Variants in MRAS observed in about 807,000 individuals in gnomAD.
The protein encoded by MRAS is ras-related protein M-Ras.
Under a neutral mutation model 20.9 loss-of-function variants are expected in MRAS, and 4 were observed. The ratio of observed to expected loss-of-function variants is 0.19; its 90% CI spans 0.09 to 0.44. The LOEUF (loss-of-function observed/expected upper bound fraction) is 0.44, where lower values mean the gene tolerates loss of function less well. Ranked by LOEUF, MRAS falls within the 20% of genes least tolerant of loss-of-function variation. The pLI is 0.99. For synonymous variants in MRAS, 98 were observed against 102.9 expected (o/e 0.95, Z 0.29); for missense variants, 154 against 277.5 (o/e 0.56, Z 3.16).
intron 1 of MRAS, among the ~76,000 whole-genome samples, chr3:138,367,724 G>A (rs1301723018): frequency 1.3e-5 from 2 of 152,200 alleles, no homozygotes; most frequent in Admixed American, 6.5e-5. Flanking sequence ...GCCTGGCCCC[G>A]TGAGAGGCAA....
chr3:138,395,544 G>A (rs1038060191), intron 2 of MRAS, among the ~76,000 whole-genome samples: 2 of 151,954 alleles, frequency 1.3e-5, no homozygotes, highest in Non-Finnish European at 2.9e-5. Flanking sequence ...GTGCTCTTCC[G>A]CTAGGCCACG....
At chr3:138,400,728 T>C (rs2055342540) in intron 5 of MRAS, 115 bp downstream of exon 5, 2 of 877,004 alleles carry the variant, frequency 2.3e-6, no homozygotes, top group Non-Finnish European at 1.8e-6. Flanking sequence ...TGTGGAATTC[T>C]GGGCCTATTT....
chr3:138,348,867 G>C (rs1043079546), intron 1 of MRAS, 100 bp downstream of exon 1: 1 of 151,848 alleles, frequency 6.6e-6, no homozygotes, highest in South Asian at 2.1e-4. Context: ...GCCGCCCTCC[G>C]GGCTCGGCCG....
chr3:138,399,249 G>A (rs1259166434), intron 4 of MRAS, among the ~76,000 whole-genome samples: 1 of 152,206 alleles, frequency 6.6e-6, no homozygotes, highest in Non-Finnish European at 1.5e-5. Context: ...TTACCTCAGA[G>A]GGTTAATGTG....
At chr3:138,388,743 G>A (rs901268052) in intron 2 of MRAS, among the ~76,000 whole-genome samples, 1 of 152,030 alleles carries the variant, frequency 6.6e-6, no homozygotes, top group African/African-American at 2.4e-5. Context: ...GAAAACTTTA[G>A]GTATGGCCCT....
In MRAS at chr3:138,404,091, A is replaced by T. The variant is rs1000894313; in HGVS notation, c.*1822A>T. 4 of 152,252 alleles carry T rather than the reference A, an allele frequency of 2.6e-5. No individual in the cohort carries two copies. The highest frequency in any genetic ancestry group is 1.5e-5 in the Non-Finnish European group (1 of 68,062). The allele number at this position is 152,252 out of a possible 1,614,324, so 9.4% of individuals were successfully genotyped here. A position where few individuals can be genotyped will look rare whatever the true frequency, so the allele number is the denominator to read the frequency against. On this transcript the variant is annotated 3_prime_UTR_variant, in exon 6 of 6. Transcript: ENST00000423968. The stretch of plus-strand genomic sequence containing the variant: ...GAGAACATTCCAGGTGAGGCACTTC[A>T]AAGTTTCCTTAGACCCTATAGTGTT...
chr3:138,350,249 C>T (rs1476301997), intron 1 of MRAS: 1 of 152,182 alleles, frequency 6.6e-6, no homozygotes, highest in African/African-American at 2.4e-5. Flanking sequence ...TTTTGTAAAC[C>T]TCCTAATTTC....
At chr3:138,374,352 T>C (rs985948855) in intron 2 of MRAS, among the ~76,000 whole-genome samples, 1 of 152,280 alleles carries the variant, frequency 6.6e-6, no homozygotes, top group East Asian at 1.9e-4. Context: ...TAAATTATTA[T>C]TTTTGGTTTT....
At chr3:138,368,308 ATGTG>A (rs1270515819) in intron 1 of MRAS, among the ~76,000 whole-genome samples, 1 of 151,936 alleles carries the variant, frequency 6.6e-6, no homozygotes, top group Non-Finnish European at 1.5e-5. Context: ...GAGTGTGTAT[ATGTG>A]TGTGTGTGCT....
Position 138,397,466 on chromosome 3 carries a change from C to T in MRAS, c.336C>T (p.Arg112=), listed in dbSNP as rs139032711. Residue 112 remains arginine, a synonymous_variant, in exon 3 of 6, where the codon CGC becomes CGT. Coordinates refer to ENST00000423968, the MANE Select transcript of MRAS (RefSeq NM_001085049.3). ...HVDRFHQLIL[R]VKDRESFPMI... is the part of the protein sequence containing the mutation. ...ACCGCTTCCACCAGCTTATCCTGCG[C>T]GTCAAAGACAGGTGAGCATCAAAGA... 1.6e-5 allele frequency: 26 copies of T among 1,613,982 alleles called. No homozygotes were observed. The African/African-American group carries it at 2.0e-4, about 12-fold the overall frequency.
intron 4 of MRAS, 91 bp from the exon 5 acceptor site, chr3:138,400,443 G>C: frequency 1.7e-6 from 2 of 1,169,464 alleles, no homozygotes; most frequent in South Asian, 2.5e-5. Context: ...AAAGCACCTG[G>C]GTTCCTCAGA....
chr3:138,353,641 GTCCGTCCTTTCT>G (rs2054272626), intron 1 of MRAS, among the ~76,000 whole-genome samples: 1 of 152,148 alleles, frequency 6.6e-6, no homozygotes, highest in African/African-American at 2.4e-5. Flanking sequence ...CCCTCTGTAT[GTCCGTCCTTTCT>G]TCCATCCATC....
At chr3:138,381,816 G>A (rs2054911366) in intron 2 of MRAS, among the ~76,000 whole-genome samples, 1 of 152,208 alleles carries the variant, frequency 6.6e-6, no homozygotes, top group African/African-American at 2.4e-5. Flanking sequence ...TTCTCAGAGG[G>A]GCCTGAACCT....
intron 1 of MRAS, among the ~76,000 whole-genome samples, chr3:138,366,435 G>T (rs1400416532): frequency 6.6e-6 from 1 of 152,216 alleles, no homozygotes; most frequent in African/African-American, 2.4e-5. Context: ...GTGGGGTTAA[G>T]GGGACTCTTT....
At chr3:138,364,794 T>A (rs1173245769) in intron 1 of MRAS, among the ~76,000 whole-genome samples, 2 of 152,170 alleles carry the variant, frequency 1.3e-5, no homozygotes, top group African/African-American at 2.4e-5. Flanking sequence ...GTGGGAAGTG[T>A]TTATTTTTGG....
intron 2 of MRAS, among the ~76,000 whole-genome samples, chr3:138,376,554 G>T (rs756978135): frequency 6.6e-6 from 1 of 152,198 alleles, no homozygotes; most frequent in African/African-American, 2.4e-5. Flanking sequence ...CAATATATGT[G>T]TAGTGAAAGG....
intron 1 of MRAS, among the ~76,000 whole-genome samples, chr3:138,359,541 C>T (rs983739772): frequency 1.3e-5 from 2 of 152,238 alleles, no homozygotes; most frequent in African/African-American, 4.8e-5. Context: ...TCACATTCTT[C>T]ATTAATGGTG....
chr3:138,385,473 T>G (rs902750957), intron 2 of MRAS, among the ~76,000 whole-genome samples: 12 of 150,798 alleles, frequency 8.0e-5, no homozygotes, highest in Admixed American at 2.6e-4. Context: ...TTGTTTCATT[T>G]TATTGTATTT....
chr3:138,401,715 T>C (rs1166565856), intron 5 of MRAS, among the ~76,000 whole-genome samples: 7 of 152,226 alleles, frequency 4.6e-5, no homozygotes, highest in Non-Finnish European at 2.9e-5. Context: ...GATGCCTTGG[T>C]TGTGAACCTA....
Sources: gnomAD v4.1 joint callset for allele counts (sites outside exome capture counted in the v4.1 genomes callset) on GRCh38, gnomAD v4.1.1 for gene constraint, MANE v1.5 for transcripts, NCBI Gene and HGNC (gene_info 2026-07-23, HGNC 2026-07-21) for gene names.